The following SLC25A31 variants were observed in gnomAD, a reference collection of about 807,000 sequenced individuals.
SLC25A31 encodes the protein solute carrier family 25 member 31.
In SLC25A31, 40 loss-of-function variants were observed where a neutral mutation model predicts 36.2. The observed-to-expected ratio is 1.10, with a 90% CI of 0.86 to 1.44. SLC25A31 has a LOEUF of 1.44. Ranked by LOEUF, SLC25A31 falls within the 40% of genes most tolerant of loss-of-function variation. The pLI, the probability that SLC25A31 is intolerant of heterozygous loss-of-function variation, is 0.00. For synonymous variants in SLC25A31, 143 were observed against 149.7 expected (o/e 0.96, Z 0.32); for missense variants, 350 against 397.1 (o/e 0.88, Z 1.01).
At chr4:127,744,938 T>C (rs1484947233) in intron 2 of SLC25A31, 139 bp downstream of exon 2, 13 of 607,754 alleles carry the variant, frequency 2.1e-5, no homozygotes, top group Non-Finnish European at 3.0e-5. Flanking sequence ...ACTGTGATGT[T>C]TTATTTGGGG....
At chr4:127,765,027 C>T (rs1279258989) in intron 3 of SLC25A31, among the ~76,000 whole-genome samples, 1 of 152,052 alleles carries the variant, frequency 6.6e-6, no homozygotes, top group Non-Finnish European at 1.5e-5. Flanking sequence ...TTTTTAGTTT[C>T]TTTCTATCCC....
At chr4:127,757,955 T>C (rs2148761132) in intron 2 of SLC25A31, among the ~76,000 whole-genome samples, 1 of 152,168 alleles carries the variant, frequency 6.6e-6, no homozygotes, top group East Asian at 1.9e-4. Flanking sequence ...GACTTACAGT[T>C]CCACATGGCT....
At position 127,767,207 on chromosome 4, in the gene SLC25A31, A is replaced by G. The variant is rs1425283838; in HGVS notation, c.620A>G (p.Tyr207Cys). Residue 207 changes from tyrosine (Y) to cysteine (C), a missense_variant, in exon 4 of 6, where the codon TAT becomes TGT. Tyr to Cys is a radical substitution (Grantham distance 194). Coordinates refer to ENST00000281154, the MANE Select transcript of SLC25A31 (RefSeq NM_031291.4). ...TACCGAGCCTCTTATTTTGGAGCTT[A>G]TGACACAGTTAAGGTAATCTGGGGG... ...IVYRASYFGAYDTVKGLLPKP... is the reference protein window; with the variant it reads ...IVYRASYFGACDTVKGLLPKP... 1 of 1,598,512 alleles carries G rather than the reference A, an allele frequency of 6.3e-7. No individual in the cohort carries two copies.
rs748470230 is a variant in SLC25A31, at chr4:127,730,701, G to A, written c.156G>A (p.Ala52=). 4.3e-6 allele frequency: 7 copies of A among 1,613,894 alleles called. No individual in the cohort carries two copies. The Admixed American group carries it at 1.0e-4, about 23-fold the overall frequency. The change falls in exon 1 of 6, where the codon GCG becomes GCA. Residue 52 remains alanine, a synonymous_variant. Coordinates refer to ENST00000281154, the MANE Select transcript of SLC25A31 (RefSeq NM_031291.4). ...ERVKLLLQVQ[A]SSKQISPEAR... is the part of the protein sequence containing the mutation. Reference sequence around the variant, plus strand: ...TGAAGCTGCTGCTGCAGGTGCAGGCGTCGTCGAAGCAGATCAGCCCCGAGG... The same window carrying A: ...TGAAGCTGCTGCTGCAGGTGCAGGCATCGTCGAAGCAGATCAGCCCCGAGG...
At chr4:127,743,112 G>C (rs180855653) in intron 1 of SLC25A31, among the ~76,000 whole-genome samples, 72 of 148,180 alleles carry the variant, frequency 4.9e-4, no homozygotes, top group African/African-American at 1.6e-3. Flanking sequence ...TCCTCAGAGA[G>C]TTTTTCTTTT....
intron 2 of SLC25A31, among the ~76,000 whole-genome samples, chr4:127,751,735 A>T (rs1731936934): frequency 6.6e-6 from 1 of 152,194 alleles, no homozygotes; most frequent in African/African-American, 2.4e-5. Context: ...AGAAAAAAAC[A>T]ACCCCATCAA....
chr4:127,744,995 C>G (rs189680622), intron 2 of SLC25A31, among the ~76,000 whole-genome samples, 196 bp downstream of exon 2: 2 of 152,040 alleles, frequency 1.3e-5, no homozygotes, highest in Non-Finnish European at 2.9e-5. Flanking sequence ...TTTATTGTTA[C>G]AAAAATCATA....
intron 5 of SLC25A31, among the ~76,000 whole-genome samples, chr4:127,772,028 G>C (rs1054595915): frequency 6.6e-6 from 1 of 152,118 alleles, no homozygotes; most frequent in East Asian, 1.9e-4. Flanking sequence ...ACACTGGCTT[G>C]TATTTTTCCT....
chr4:127,739,279 C>T (rs535279639), intron 1 of SLC25A31, among the ~76,000 whole-genome samples: 2 of 143,956 alleles, frequency 1.4e-5, no homozygotes, highest in East Asian at 4.2e-4. Context: ...TTGCTTGTCA[C>T]CTGGTCTGGT....
intron 2 of SLC25A31, among the ~76,000 whole-genome samples, chr4:127,750,309 G>A (rs1731905812): frequency 6.6e-6 from 1 of 152,076 alleles, no homozygotes; most frequent in African/African-American, 2.4e-5. Context: ...ACTCATAAGT[G>A]GAAAATATTA....
In SLC25A31 at chr4:127,738,563, G is replaced by A. The variant is rs138341246; in HGVS notation, c.233-6109G>A. On this transcript the variant is annotated intron_variant, in intron 1 of 5. Coordinates refer to ENST00000281154, the MANE Select transcript of SLC25A31 (RefSeq NM_031291.4). ...AATCTTGGAGTATGTTCCATGTGTAGAAGAGAAGAATGTAATTCTCTGGTT... is the reference window on the plus strand; with the variant it reads ...AATCTTGGAGTATGTTCCATGTGTAAAAGAGAAGAATGTAATTCTCTGGTT... Among the ~76,000 whole-genome samples the A allele has an allele frequency of 5.3e-5, 8 of 152,306 alleles. No homozygotes were observed. In the East Asian group the frequency reaches 1.5e-3, roughly 29 times the overall value.
chr4:127,752,842 C>G (rs1329552594), intron 2 of SLC25A31, among the ~76,000 whole-genome samples: 1 of 152,088 alleles, frequency 6.6e-6, no homozygotes, highest in Non-Finnish European at 1.5e-5. Context: ...GCAGATCATC[C>G]AGACAGAAAA....
chr4:127,768,970 G>C, intron 5 of SLC25A31, 93 bp downstream of exon 5: 3 of 1,184,906 alleles, frequency 2.5e-6, no homozygotes, highest in Non-Finnish European at 3.5e-6. Flanking sequence ...TGGCTGAAAG[G>C]CATAAGTCAT....
At chr4:127,769,058 G>C (rs1473915165) in intron 5 of SLC25A31, among the ~76,000 whole-genome samples, 181 bp downstream of exon 5, 2 of 152,054 alleles carry the variant, frequency 1.3e-5, no homozygotes, top group Non-Finnish European at 2.9e-5. Flanking sequence ...CCATCAGCCA[G>C]CAAAGCTGCT....
intron 2 of SLC25A31, among the ~76,000 whole-genome samples, chr4:127,747,038 C>T (rs151107001): frequency 6.6e-6 from 1 of 152,104 alleles, no homozygotes; most frequent in East Asian, 1.9e-4. Context: ...GAGTCCTTTC[C>T]TCATTGCTTG....
chr4:127,740,847 C>T (rs1181228547), intron 1 of SLC25A31, among the ~76,000 whole-genome samples: 2 of 152,156 alleles, frequency 1.3e-5, no homozygotes, highest in African/African-American at 4.8e-5. Flanking sequence ...GCACCACAAT[C>T]TCTGCACAGA....
intron 1 of SLC25A31, among the ~76,000 whole-genome samples, chr4:127,732,502 A>G (rs528633489): frequency 1.3e-5 from 2 of 152,336 alleles, no homozygotes; most frequent in East Asian, 1.9e-4. Context: ...TTCTGAAGAG[A>G]AGTAGGGGCC....
chr4:127,759,840 AAG>A (rs1732095369), intron 2 of SLC25A31, among the ~76,000 whole-genome samples: 1 of 152,246 alleles, frequency 6.6e-6, no homozygotes, highest in African/African-American at 2.4e-5. Flanking sequence ...GTATACAAAA[AAG>A]GAACAAACTT....
chr4:127,735,883 TA>T (rs1229762884), intron 1 of SLC25A31, among the ~76,000 whole-genome samples: 1,137 of 71,404 alleles, frequency 0.016, 25 homozygotes, highest in South Asian at 0.022. Context: ...TTTATTTATT[TA>T]TTTATTTATT....
Sources: allele counts gnomAD v4.1 joint callset (sites outside exome capture counted in the v4.1 genomes callset), GRCh38; gene constraint gnomAD v4.1.1; transcripts MANE v1.5; gene names NCBI Gene and HGNC (gene_info 2026-07-23, HGNC 2026-07-21).